DOCK3: variants seen among roughly 807,000 people sequenced by gnomAD.
The protein encoded by DOCK3 is dedicator of cytokinesis protein 3.
In DOCK3, 60 loss-of-function variants were observed where a neutral mutation model predicts 265.6. The observed-to-expected ratio is 0.23, with a 90% CI of 0.18 to 0.28. The LOEUF is 0.28. Among genes scored for constraint, DOCK3 ranks in the 10% least tolerant of loss-of-function variants. DOCK3 has a pLI of 1.00. For synonymous variants in DOCK3, 881 were observed against 938.0 expected (o/e 0.94, Z 1.11); for missense variants, 1,981 against 2,594.3 (o/e 0.76, Z 5.14).
chr3:51,000,644 A>G (rs1012959158), intron 5 of DOCK3, among the ~76,000 whole-genome samples: 2 of 127,210 alleles, frequency 1.6e-5, no homozygotes, highest in South Asian at 3.0e-4. Context: ...TTAGTCTGAC[A>G]TTTTCTTTTT....
intron 2 of DOCK3, among the ~76,000 whole-genome samples, chr3:50,781,076 A>C (rs760201135): frequency 1.3e-5 from 2 of 152,030 alleles, no homozygotes; most frequent in Admixed American, 6.6e-5. Flanking sequence ...GGTTGATTCC[A>C]TATCTTGGCT....
chr3:51,094,189 G>A (rs2082739194), intron 9 of DOCK3, among the ~76,000 whole-genome samples: 1 of 152,156 alleles, frequency 6.6e-6, no homozygotes, highest in South Asian at 2.1e-4. Flanking sequence ...CTCATAAAAT[G>A]ACTTAGGGAT....
intron 32 of DOCK3, 98 bp from the exon 33 acceptor site, chr3:51,330,040 G>A: frequency 2.5e-6 from 3 of 1,183,858 alleles, no homozygotes; most frequent in Non-Finnish European, 3.6e-6. Flanking sequence ...ACAGGATCAG[G>A]AAGTAGTTTC....
chr3:50,848,069 T>TC (rs1553682575), intron 3 of DOCK3, among the ~76,000 whole-genome samples: 2 of 151,080 alleles, frequency 1.3e-5, no homozygotes, highest in Admixed American at 6.6e-5. Flanking sequence ...GTCCTTTTTT[T>TC]ATTGTTGTTG....
chr3:51,376,266 G>C (rs2088120158), intron 51 of DOCK3, among the ~76,000 whole-genome samples: 1 of 152,198 alleles, frequency 6.6e-6, no homozygotes, highest in African/African-American at 2.4e-5. Context: ...GCCCCAAGAG[G>C]AAGGGGAAAG....
At chr3:50,907,698 T>A (rs527757814) in intron 4 of DOCK3, among the ~76,000 whole-genome samples, 2 of 152,246 alleles carry the variant, frequency 1.3e-5, no homozygotes, top group Admixed American at 1.3e-4. Flanking sequence ...GGGTCTTGAC[T>A]CTATCCAATT....
intron 3 of DOCK3, among the ~76,000 whole-genome samples, chr3:50,869,399 G>T: frequency 1.7e-5 from 1 of 59,010 alleles, no homozygotes. Context: ...TTGGAGATAG[G>T]GTCTCAGTGT....
chr3:50,727,694 C>A, intron 1 of DOCK3, among the ~76,000 whole-genome samples: 1 of 151,542 alleles, frequency 6.6e-6, no homozygotes, highest in African/African-American at 2.4e-5. Context: ...TGAGGCTCCT[C>A]AAACAAAACA....
intron 19 of DOCK3, among the ~76,000 whole-genome samples, chr3:51,231,795 A>G (rs566008109): frequency 6.6e-6 from 1 of 152,232 alleles, no homozygotes; most frequent in East Asian, 1.9e-4. Flanking sequence ...TTTTTGTTGC[A>G]ATTGCTTTTG....
At chr3:51,232,275 A>T (rs114272441) in intron 19 of DOCK3, among the ~76,000 whole-genome samples, 2,577 of 152,204 alleles carry the variant, frequency 0.017, 30 homozygotes, top group Non-Finnish European at 0.023. Context: ...TTTATCCCTC[A>T]CTACCTTCCT....
At chr3:50,942,362 C>T (rs914605815) in intron 5 of DOCK3, among the ~76,000 whole-genome samples, 4 of 151,782 alleles carry the variant, frequency 2.6e-5, no homozygotes, top group African/African-American at 9.7e-5. Context: ...AAATATTTTA[C>T]TAATAAAAAC....
intron 7 of DOCK3, among the ~76,000 whole-genome samples, chr3:51,085,802 A>T (rs961890333): frequency 7.2e-5 from 11 of 152,210 alleles, no homozygotes; most frequent in Non-Finnish European, 1.3e-4. Context: ...GTTAGTAGAA[A>T]TAAGTAATAA....
chr3:51,250,883 A>G (rs778882708), intron 22 of DOCK3, among the ~76,000 whole-genome samples: 34 of 152,130 alleles, frequency 2.2e-4, no homozygotes, highest in Non-Finnish European at 4.4e-4. Context: ...TATTATTGTT[A>G]TTATACTTAA....
At position 51,246,752 on chromosome 3, in the gene DOCK3, A is replaced by G. The variant is rs1285786004; in HGVS notation, c.2129A>G (p.Tyr710Cys). ...YKELIRCLKW[Y>C]MDCSAELIRQ... Reference sequence around the variant, plus strand: ...GAGCTCATCCGCTGTTTGAAGTGGTATATGGACTGCTCAGCAGAACTGATT... The same window carrying G: ...GAGCTCATCCGCTGTTTGAAGTGGTGTATGGACTGCTCAGCAGAACTGATT... Residue 710 changes from tyrosine to cysteine, a missense_variant, in exon 22 of 53, where the codon TAT becomes TGT. Transcript: ENST00000266037. 6.2e-7 allele frequency: 1 copy of G among 1,613,468 alleles called. No individual in the cohort carries two copies. The highest frequency in any genetic ancestry group is 1.3e-5 in the African/African-American group (1 of 74,928).
At chr3:50,736,471 G>A (rs971583349) in intron 1 of DOCK3, among the ~76,000 whole-genome samples, 9 of 152,144 alleles carry the variant, frequency 5.9e-5, no homozygotes, top group Non-Finnish European at 7.4e-5. Flanking sequence ...TTGAGGAATC[G>A]CCGCACTGTC....
intron 12 of DOCK3, among the ~76,000 whole-genome samples, chr3:51,175,734 G>A (rs1333565827): frequency 6.6e-6 from 1 of 152,192 alleles, no homozygotes; most frequent in Non-Finnish European, 1.5e-5. Flanking sequence ...GTATAGATGG[G>A]AGTGGGGGCC....
At position 51,258,327 on chromosome 3, in the gene DOCK3, T is replaced by A. The variant is rs926101588; in HGVS notation, c.2185-1829T>A. 9.8e-5 allele frequency among the ~76,000 whole-genome samples: 15 copies of A among 152,366 alleles called. No homozygotes were observed. The East Asian group carries it at 1.7e-3, about 18-fold the overall frequency. ...AAAAACTCATTTATTTTCCTGTCTT[T>A]ACTTCCAGTGCTCCACGTAATTGCC... On this transcript the variant is annotated intron_variant, in intron 22 of 52. Transcript: ENST00000266037.
chr3:50,770,930 C>T (rs1336426625), intron 1 of DOCK3, among the ~76,000 whole-genome samples: 2 of 152,154 alleles, frequency 1.3e-5, no homozygotes, highest in East Asian at 1.9e-4. Flanking sequence ...TGAAGCTAGA[C>T]ACCTATTTCT....
intron 1 of DOCK3, among the ~76,000 whole-genome samples, chr3:50,728,235 G>T (rs1280044605): frequency 1.3e-5 from 2 of 152,108 alleles, no homozygotes; most frequent in South Asian, 2.1e-4. Flanking sequence ...ATGCAGGGTA[G>T]TCTGGAAAAA....
Sources: allele counts gnomAD v4.1 joint callset (sites outside exome capture counted in the v4.1 genomes callset), GRCh38; gene constraint gnomAD v4.1.1; transcripts MANE v1.5; gene names NCBI Gene and HGNC (gene_info 2026-07-23, HGNC 2026-07-21).